The following APOBEC1 variants were observed in gnomAD, a reference collection of about 807,000 sequenced individuals.
APOBEC1 encodes the protein apolipoprotein B mRNA editing enzyme catalytic subunit 1, also known as C->U-editing enzyme APOBEC-1.
A neutral mutation model predicts 26.3 loss-of-function variants in APOBEC1; 22 were observed. The observed-to-expected ratio is 0.84, with a 90% confidence interval of 0.60 to 1.19. The LOEUF (loss-of-function observed/expected upper bound fraction) is 1.19. Among genes scored for constraint, APOBEC1 ranks in the 50% most tolerant of loss-of-function variants. The pLI is 0.00. For synonymous variants in APOBEC1, 77 were observed against 95.3 expected, an observed-to-expected ratio of 0.81 and a Z score of 1.12; for missense variants, 253 against 289.0, an observed-to-expected ratio of 0.88 and a Z score of 0.90.
chr12:7,661,039 A>C (rs1387943084), intron 1 of APOBEC1, among the ~76,000 whole-genome samples: 1 of 130,672 alleles, frequency 7.7e-6, no homozygotes, highest in Non-Finnish European at 1.6e-5. Flanking sequence ...TAAAAATACA[A>C]AAAAAAAAAA....
upstream of APOBEC1, among the ~76,000 whole-genome samples, chr12:7,666,315 C>T (rs191292971): frequency 1.2e-3 from 174 of 149,534 alleles, no homozygotes; most frequent in African/African-American, 3.6e-3. Context: ...TTCTTTGAGA[C>T]GGAGTTTTGC....
At position 7,649,567 on chromosome 12, in the gene APOBEC1, G is replaced by T; in HGVS notation, c.691C>A (p.Pro231Thr). The T allele has an allele frequency of 1.9e-6, 3 of 1,614,128 alleles. No individual in the cohort carries two copies. Among genetic ancestry groups the T allele is most frequent in the Non-Finnish European group, 2.5e-6 (3 of 1,180,024 alleles). The change falls in exon 5 of 5, where the codon CCT (proline) becomes ACT (threonine). Residue 231 changes from proline (P) to threonine (T), a missense_variant. Coordinates refer to ENST00000229304, the MANE Select transcript of APOBEC1 (RefSeq NM_001644.5). ...CCTATTCATCTCCAAGCCACAGAAG[G>T]ATGTATCAGCCCTGTAGCTAAAAGG... is the stretch of plus-strand genomic sequence containing the variant. ...HILLATGLIH[P>T]SVAWR
chr12:7,659,294 C>CAAAAAA (rs1163730869), intron 1 of APOBEC1, among the ~76,000 whole-genome samples: 4 of 16,540 alleles, frequency 2.4e-4, no homozygotes, highest in Non-Finnish European at 3.0e-4. Context: ...AACTCCCTCT[C>CAAAAAA]AAAAAAAAAA....
At chr12:7,651,374 G>T (rs1863636685) in intron 3 of APOBEC1, among the ~76,000 whole-genome samples, 1 of 152,118 alleles carries the variant, frequency 6.6e-6, no homozygotes, top group Non-Finnish European at 1.5e-5. Context: ...CCAGCACTTT[G>T]GGAGGCCGAG....
chr12:7,667,884 C>T (rs1446052098), upstream of APOBEC1, among the ~76,000 whole-genome samples: 1 of 149,166 alleles, frequency 6.7e-6, no homozygotes, highest in Non-Finnish European at 1.5e-5. Flanking sequence ...TGCACTGCAG[C>T]CTGGGCAACA....
intron 1 of APOBEC1, among the ~76,000 whole-genome samples, chr12:7,665,354 G>A (rs1377025680): frequency 6.6e-6 from 1 of 152,056 alleles, no homozygotes; most frequent in Non-Finnish European, 1.5e-5. Context: ...CTGGAGTGCA[G>A]TGGCGTGATC....
At chr12:7,655,523 AAG>A (rs1863701932) in intron 1 of APOBEC1, among the ~76,000 whole-genome samples, 1 of 152,026 alleles carries the variant, frequency 6.6e-6, no homozygotes. Context: ...AAAAAAAAAA[AAG>A]AAAGAAAGAA....
rs200489962 is a variant in APOBEC1, at chr12:7,651,159, T to C, written c.443-18A>G. ...ATAATACTCTAAGGAAACACAAATCTTGGCTCATTCAACAAGCACAATGGT... is the reference window on the plus strand; with the variant it reads ...ATAATACTCTAAGGAAACACAAATCCTGGCTCATTCAACAAGCACAATGGT... On this transcript the variant is annotated intron_variant, in intron 3 of 4. Transcript: ENST00000229304. 6.4e-5 allele frequency: 100 copies of C among 1,560,694 alleles called. No individual in the cohort carries two copies. The highest frequency in any genetic ancestry group is 7.5e-5 in the Non-Finnish European group (85 of 1,131,772).
At chr12:7,663,493 T>C (rs1413710723) in intron 1 of APOBEC1, among the ~76,000 whole-genome samples, 2 of 152,034 alleles carry the variant, frequency 1.3e-5, no homozygotes, top group African/African-American at 4.8e-5. Flanking sequence ...GCTGGCACGT[T>C]GGAATGAGCT....
intron 1 of APOBEC1, among the ~76,000 whole-genome samples, chr12:7,660,971 A>G (rs1863810254): frequency 6.6e-6 from 1 of 150,630 alleles, no homozygotes; most frequent in South Asian, 2.1e-4. Context: ...AGGCGGGTGG[A>G]TCACAAGGTC....
At chr12:7,649,767 A>T in intron 4 of APOBEC1, 71 bp from the exon 5 acceptor site, 2 of 1,148,804 alleles carry the variant, frequency 1.7e-6, no homozygotes, top group Non-Finnish European at 2.5e-6. Flanking sequence ...CACCACAAAC[A>T]TTTAAAAATG....
chr12:7,662,900 A>T (rs1468786008), intron 1 of APOBEC1, among the ~76,000 whole-genome samples: 1 of 152,176 alleles, frequency 6.6e-6, no homozygotes, highest in Admixed American at 6.6e-5. Context: ...GGAGGGGGTA[A>T]GCCACAGGGC....
chr12:7,658,860 C>A (rs1208978075), intron 1 of APOBEC1, among the ~76,000 whole-genome samples: 1 of 141,908 alleles, frequency 7.0e-6, no homozygotes, highest in Non-Finnish European at 1.5e-5. Context: ...GGCCGAGGCA[C>A]AAGAATCACT....
At chr12:7,657,043 C>CGTGTGTGTGTGTGT (rs6144603) in intron 1 of APOBEC1, among the ~76,000 whole-genome samples, 7 of 148,764 alleles carry the variant, frequency 4.7e-5, no homozygotes, top group South Asian at 2.2e-4. Context: ...GTTGTATATA[C>CGTGTGTGTGTGTGT]GTGTGTGTGT....
chr12:7,653,494 T>C (rs868156399), intron 2 of APOBEC1, among the ~76,000 whole-genome samples: 2,441 of 142,850 alleles, frequency 0.017, 73 homozygotes, highest in African/African-American at 0.06. Flanking sequence ...TAACCCTTTT[T>C]TTTTTTTTTT....
intron 1 of APOBEC1, 51 bp downstream of exon 1, chr12:7,665,806 C>CACACACACAA: frequency 8.2e-7 from 1 of 1,224,990 alleles, no homozygotes; most frequent in Non-Finnish European, 1.2e-6. Context: ...CACACACACA[C>CACACACACAA]CATTCTTGCA....
At chr12:7,659,322 A>AAAAAAAAT (rs1555094633) in intron 1 of APOBEC1, among the ~76,000 whole-genome samples, 7 of 46,276 alleles carry the variant, frequency 1.5e-4, no homozygotes, top group African/African-American at 3.8e-4. Context: ...AAAAAAAAAA[A>AAAAAAAAT]ATATATATAT....
chr12:7,660,466 G>A (rs1161016405), intron 1 of APOBEC1, among the ~76,000 whole-genome samples: 1 of 151,800 alleles, frequency 6.6e-6, no homozygotes, highest in African/African-American at 2.4e-5. Context: ...CAGCACTTTG[G>A]GAGGCCTAGG....
At chr12:7,659,322 A>AAATATATAT (rs1555094633) in intron 1 of APOBEC1, among the ~76,000 whole-genome samples, 4 of 46,294 alleles carry the variant, frequency 8.6e-5, no homozygotes, top group African/African-American at 2.5e-4. Flanking sequence ...AAAAAAAAAA[A>AAATATATAT]ATATATATAT....
Sources: gnomAD v4.1 joint callset for allele counts (sites outside exome capture counted in the v4.1 genomes callset) on GRCh38, gnomAD v4.1.1 for gene constraint, MANE v1.5 for transcripts, NCBI Gene and HGNC (gene_info 2026-07-23, HGNC 2026-07-21) for gene names.